The following EIF4G3 variants were observed in gnomAD, a reference collection of about 807,000 sequenced individuals.
EIF4G3 encodes eIF-4-gamma 3.
A neutral mutation model predicts 186.4 loss-of-function variants in EIF4G3; 34 were observed. The observed-to-expected ratio is 0.18, with a 90% CI of 0.14 to 0.24. The LOEUF is 0.24. Ranked by LOEUF, EIF4G3 falls within the 10% of genes least tolerant of loss-of-function variation. The pLI, the probability that EIF4G3 is intolerant of heterozygous loss-of-function variation, is 1.00. For missense variants in EIF4G3, 1,536 were observed against 1,948.5 expected (o/e 0.79, Z 3.99); for synonymous variants, 673 against 679.5 (o/e 0.99, Z 0.15).
intron 2 of EIF4G3, among the ~76,000 whole-genome samples, chr1:21,152,339 C>CAA (rs34780982): frequency 9.7e-6 from 1 of 103,572 alleles, no homozygotes; most frequent in East Asian, 3.1e-4. Flanking sequence ...CCTGTCTCTA[C>CAA]AAAAAAAAAA....
intron 4 of EIF4G3, 66 bp from the exon 5 acceptor site, chr1:21,002,874 G>T: frequency 1.1e-6 from 1 of 929,916 alleles, no homozygotes. Flanking sequence ...TCTAGTTCAA[G>T]ATGTTTTATA....
chr1:21,020,687 T>C (rs2090472547), intron 4 of EIF4G3, among the ~76,000 whole-genome samples: 1 of 152,194 alleles, frequency 6.6e-6, no homozygotes, highest in African/African-American at 2.4e-5. Flanking sequence ...ATACAGAATA[T>C]CTAATAACTA....
chr1:21,063,709 G>C (rs1316234789), intron 3 of EIF4G3, among the ~76,000 whole-genome samples: 6 of 40,120 alleles, frequency 1.5e-4, no homozygotes, highest in Non-Finnish European at 2.8e-4. Flanking sequence ...TCATTTTGGG[G>C]GGGGGGGTGT....
chr1:20,937,783 T>A (rs2095564242), intron 14 of EIF4G3, among the ~76,000 whole-genome samples: 1 of 152,136 alleles, frequency 6.6e-6, no homozygotes, highest in South Asian at 2.1e-4. Flanking sequence ...AAACACTCCT[T>A]TTTCCTCCCA....
At chr1:20,863,461 T>C (rs2076861437) in intron 22 of EIF4G3, among the ~76,000 whole-genome samples, 1 of 148,470 alleles carries the variant, frequency 6.7e-6, no homozygotes, top group Non-Finnish European at 1.5e-5. Context: ...TTTTTTTTTT[T>C]CAGATGGAGT....
chr1:20,947,007 G>C (rs931278634), intron 13 of EIF4G3, among the ~76,000 whole-genome samples: 4 of 152,110 alleles, frequency 2.6e-5, no homozygotes, highest in African/African-American at 9.7e-5. Flanking sequence ...AGAAAAGTCA[G>C]TTTTTATATG....
intron 15 of EIF4G3, among the ~76,000 whole-genome samples, chr1:20,900,599 T>C (rs530970925): frequency 1.3e-5 from 2 of 152,002 alleles, no homozygotes; most frequent in South Asian, 4.2e-4. Context: ...CGAAAAAGAA[T>C]TGAAGTTATT....
In EIF4G3 at chr1:20,899,564, G is replaced by T. The variant is rs887691931; in HGVS notation, c.1999+133C>A. 5.2e-6 allele frequency: 6 copies of T among 1,163,772 alleles called. No homozygotes were observed. The African/African-American group carries it at 9.3e-5, about 18-fold the overall frequency. The allele number at this position is 1,163,772 out of a possible 1,614,324, so 72.1% of individuals were successfully genotyped here. On this transcript the variant is annotated intron_variant, in intron 16 of 36. Transcript: ENST00000602326. Reference sequence around the variant, plus strand: ...TGCTAGTCACTAACTTGGGCTTGCTGATCTGTCCTGTAAATATTATATTGT... The same window carrying T: ...TGCTAGTCACTAACTTGGGCTTGCTTATCTGTCCTGTAAATATTATATTGT...
intron 2 of EIF4G3, among the ~76,000 whole-genome samples, chr1:21,156,729 CCTTTT>C (rs1412454360): frequency 1.3e-5 from 2 of 152,148 alleles, no homozygotes; most frequent in South Asian, 4.1e-4. Context: ...ATCACCCTTT[CCTTTT>C]CATTTCCCTC....
chr1:20,856,411 C>A (rs1024156378), intron 25 of EIF4G3, among the ~76,000 whole-genome samples: 1 of 152,178 alleles, frequency 6.6e-6, no homozygotes, highest in African/African-American at 2.4e-5. Context: ...GTATAAGGAT[C>A]AAACTAGACT....
At chr1:21,146,685 A>C (rs1217114387) in intron 2 of EIF4G3, among the ~76,000 whole-genome samples, 1 of 152,146 alleles carries the variant, frequency 6.6e-6, no homozygotes, top group Non-Finnish European at 1.5e-5. Flanking sequence ...TGAACCCAGG[A>C]GGTGGAGGTT....
intron 3 of EIF4G3, among the ~76,000 whole-genome samples, chr1:21,080,741 T>C (rs1439587957): frequency 6.6e-6 from 1 of 152,066 alleles, no homozygotes; most frequent in Non-Finnish European, 1.5e-5. Flanking sequence ...AACTCCTGAC[T>C]TCGTGATCTG....
chr1:21,039,250 A>G (rs1182721685), intron 4 of EIF4G3, among the ~76,000 whole-genome samples: 1 of 152,260 alleles, frequency 6.6e-6, no homozygotes, highest in Non-Finnish European at 1.5e-5. Flanking sequence ...ACATGCCAAA[A>G]AAACGAAGCC....
At chr1:21,120,393 G>A (rs2096905272) in intron 2 of EIF4G3, among the ~76,000 whole-genome samples, 1 of 151,892 alleles carries the variant, frequency 6.6e-6, no homozygotes, top group Non-Finnish European at 1.5e-5. Context: ...CAGGCGCAGT[G>A]GCTCACATCT....
intron 35 of EIF4G3, among the ~76,000 whole-genome samples, chr1:20,811,841 G>A (rs2059297521): frequency 6.6e-6 from 1 of 151,816 alleles, no homozygotes; most frequent in Non-Finnish European, 1.5e-5. Context: ...AATTTCAAGT[G>A]AGTATTTAAA....
Position 20,886,195 on chromosome 1 carries a change from T to C in EIF4G3, c.2424+6A>G. On this transcript the variant is annotated splice_donor_region_variant and intron_variant, in intron 19 of 36. Coordinates refer to ENST00000602326, the MANE Select transcript of EIF4G3 (RefSeq NM_001391906.1). ...AAAGAATGTTAGGATATGCTTTTGT[T>C]CTCACCTGGGTTTTAATGTTTTCGG... 2 of 1,606,558 alleles carry C rather than the reference T, an allele frequency of 1.2e-6. No individual in the cohort carries two copies. The highest frequency in any genetic ancestry group is 2.2e-5 in the South Asian group (2 of 89,098).
At chr1:21,097,720 C>T (rs1204497083) in intron 2 of EIF4G3, among the ~76,000 whole-genome samples, 1 of 152,184 alleles carries the variant, frequency 6.6e-6, no homozygotes, top group Non-Finnish European at 1.5e-5. Flanking sequence ...GAGAAATAGT[C>T]TTTTCAACAA....
chr1:20,972,919 G>T, intron 11 of EIF4G3, 83 bp downstream of exon 11: 1 of 1,083,178 alleles, frequency 9.2e-7, no homozygotes, highest in Non-Finnish European at 1.3e-6. Flanking sequence ...TGTGAATTGA[G>T]ATGAATAATG....
chr1:20,857,507 G>C lies in EIF4G3; in HGVS notation c.3245-10C>G. ...TCCACTCTCTGGACACCTGCAGGGA[G>C]AACAGAGTGGGAGTCTCTCATCTGT... On this transcript the variant is annotated splice_polypyrimidine_tract_variant and intron_variant, in intron 24 of 36. Coordinates refer to ENST00000602326, the MANE Select transcript of EIF4G3 (RefSeq NM_001391906.1). 1 of 1,608,088 alleles carries C rather than the reference G, an allele frequency of 6.2e-7. No homozygotes were observed. Among genetic ancestry groups the C allele is most frequent in the African/African-American group, 1.3e-5 (1 of 74,924 alleles).
Sources: allele counts gnomAD v4.1 joint callset (sites outside exome capture counted in the v4.1 genomes callset), GRCh38; gene constraint gnomAD v4.1.1; transcripts MANE v1.5; gene names NCBI Gene and HGNC (gene_info 2026-07-23, HGNC 2026-07-21).